The following KCP variants were observed in gnomAD, a reference collection of about 807,000 sequenced individuals.
KCP encodes kielin cysteine rich BMP regulator.
A neutral mutation model predicts 212.7 loss-of-function variants in KCP; 194 were observed. That is an observed-to-expected ratio of 0.91 (90% CI 0.81 to 1.03). The LOEUF is 1.03. Among genes scored for constraint, KCP ranks in the 50% least tolerant of loss-of-function variants. The pLI, the probability that KCP is intolerant of heterozygous loss-of-function variation, is 0.00. For synonymous variants in KCP, 833 were observed against 865.3 expected, an observed-to-expected ratio of 0.96 and a Z score of 0.65; for missense variants, 2,080 against 2,162.5, an observed-to-expected ratio of 0.96 and a Z score of 0.76.
chr7:128,904,213 A>AC, intron 5 of KCP, 75 bp from the exon 6 acceptor site: 1 of 1,525,856 alleles, frequency 6.6e-7, no homozygotes, highest in Non-Finnish European at 8.9e-7. Flanking sequence ...GTAAGGCATG[A>AC]CCCCAAGTAG....
At chr7:128,909,226 G>A (rs1255119657) in intron 1 of KCP, among the ~76,000 whole-genome samples, 1 of 152,176 alleles carries the variant, frequency 6.6e-6, no homozygotes. Context: ...AGGGGAAGAG[G>A]CAGACATAGG....
At chr7:128,904,320 T>A in intron 5 of KCP, 182 bp from the exon 6 acceptor site, 2 of 1,551,606 alleles carry the variant, frequency 1.3e-6, no homozygotes, top group Non-Finnish European at 1.7e-6. Flanking sequence ...CCAGGTGGGG[T>A]GCAGCTCTCC....
rs975940060 is a variant in KCP at position 128,893,209 on chromosome 7, G to C, written c.1267+29C>G. On this transcript the variant is annotated intron_variant, in intron 13 of 39. Transcript: ENST00000610776. Reference sequence around the variant, plus strand: ...GCAGCCCTCAGAGGCAGCGCCCATAGCAGCTGCTCCTCCCCCTCTCACACA... The same window carrying C: ...GCAGCCCTCAGAGGCAGCGCCCATACCAGCTGCTCCTCCCCCTCTCACACA... 5.8e-6 allele frequency: 9 copies of C among 1,547,524 alleles called. No homozygotes were observed. The African/African-American group carries it at 1.2e-4, about 21-fold the overall frequency.
chr7:128,887,418 G>A, intron 22 of KCP, 118 bp from the exon 23 acceptor site: 1 of 739,248 alleles, frequency 1.4e-6, no homozygotes, highest in Non-Finnish European at 2.3e-6. Flanking sequence ...CACACACATA[G>A]CCACACACAC....
In KCP at chr7:128,893,868, C is replaced by T. The variant is rs773835692; in HGVS notation, c.1037G>A (p.Cys346Tyr). Reference protein sequence around the residue: ...NGSVQCEPLPCPPVPCRHPGK... With the variant: ...NGSVQCEPLPYPPVPCRHPGK... The stretch of plus-strand genomic sequence containing the variant: ...TGGGTGTCTGCAGGGCACTGGCGGG[C>T]AGGGCAGAGGCTCACACTGGACACT... The change falls in exon 11 of 40, where the codon TGC becomes TAC. Residue 346 changes from cysteine (C) to tyrosine (Y), a missense_variant. Transcript: ENST00000610776. 1.4e-5 allele frequency: 22 copies of T among 1,551,110 alleles called. No homozygotes were observed. Among genetic ancestry groups the T allele is most frequent in the Non-Finnish European group, 1.9e-5 (22 of 1,146,998 alleles).
intron 8 of KCP, among the ~76,000 whole-genome samples, chr7:128,902,110 G>C (rs987086884): frequency 2.0e-5 from 3 of 152,174 alleles, no homozygotes; most frequent in Admixed American, 6.5e-5. Flanking sequence ...GCCCAGGCTG[G>C]TCTCAAACTC....
At chr7:128,879,858 T>A (rs1793212577) in intron 35 of KCP, 29 bp from the exon 36 acceptor site, 7 of 1,550,976 alleles carry the variant, frequency 4.5e-6, no homozygotes, top group Admixed American at 2.0e-5. Flanking sequence ...CAGGTGCCAA[T>A]GGTCAGCAGG....
At chr7:128,884,663 C>T (rs1451805668) in intron 28 of KCP, 118 bp downstream of exon 28, 1 of 925,084 alleles carries the variant, frequency 1.1e-6, no homozygotes, top group Non-Finnish European at 1.7e-6. Flanking sequence ...CAGGGATACA[C>T]TCCTTTGGCC....
chr7:128,901,381 C>T (rs1054776241), intron 8 of KCP, among the ~76,000 whole-genome samples: 4 of 152,216 alleles, frequency 2.6e-5, no homozygotes, highest in African/African-American at 9.7e-5. Context: ...AATCCCAGCA[C>T]TGTGGGAGGC....
At position 128,891,835 on chromosome 7, in the gene KCP, T is replaced by C. The variant is rs774083227; in HGVS notation, c.1622-16A>G. 1.3e-5 allele frequency: 19 copies of C among 1,433,808 alleles called. No homozygotes were observed. Among genetic ancestry groups the C allele is most frequent in the Non-Finnish European group, 1.6e-5 (18 of 1,091,210 alleles). 88.8% of individuals were successfully genotyped at this position (1,433,808 alleles called of 1,614,324 possible). A position where few individuals can be genotyped will look rare whatever the true frequency, so the allele number is the denominator to read the frequency against. ...AGGATGCAGTCTGGGCAGTGGATGG[T>C]GGGGGCAGGTATGAGGGCAAAGCCT... On this transcript the variant is annotated splice_polypyrimidine_tract_variant and intron_variant, in intron 16 of 39. Coordinates refer to ENST00000610776, the MANE Select transcript of KCP (RefSeq NM_001366122.1).
intron 5 of KCP, among the ~76,000 whole-genome samples, chr7:128,906,076 T>C (rs1175077027): frequency 6.6e-6 from 1 of 152,238 alleles, no homozygotes; most frequent in Non-Finnish European, 1.5e-5. Context: ...ATTTTGTGCC[T>C]GTTTCCCTAT....
intron 2 of KCP, among the ~76,000 whole-genome samples, 154 bp downstream of exon 2, chr7:128,908,251 GAAGAAAGAAAGAAAGAAAGAA>G (rs1795242994): frequency 9.9e-6 from 1 of 101,212 alleles, no homozygotes; most frequent in African/African-American, 3.9e-5. Context: ...AAGAAAGAAA[GAAGAAAGAAAGAAAGAAAGAA>G]AGAAAGAAAG....
At position 128,877,692 on chromosome 7, in the gene KCP, G is replaced by C; in HGVS notation, c.4410C>G (p.Ala1470=). The C allele has an allele frequency of 6.4e-7, 1 of 1,551,310 alleles. No individual in the cohort carries two copies. The highest frequency in any genetic ancestry group is 8.7e-7 in the Non-Finnish European group (1 of 1,146,972). The change falls in exon 39 of 40, where the codon GCC becomes GCG. Residue 1470 remains alanine (A), a synonymous_variant. Transcript: ENST00000610776. The stretch of plus-strand genomic sequence containing the variant: ...GGGAGGACTTCAGCACCCCACACCG[G>C]GCATTGGCCTCACGCCTGGCACGGT... The part of the protein sequence containing the change: ...AGYRARREAN[A]RCGVLKSSPF...
At chr7:128,898,452 G>A (rs1794654113) in intron 8 of KCP, among the ~76,000 whole-genome samples, 1 of 152,244 alleles carries the variant, frequency 6.6e-6, no homozygotes, top group African/African-American at 2.4e-5. Flanking sequence ...GCTGGAAAAT[G>A]TCAGACCTTA....
Position 128,882,067 on chromosome 7 carries a change from G to A in KCP, c.3245-51C>T, listed in dbSNP as rs1793367838. On this transcript the variant is annotated intron_variant, in intron 29 of 39. Transcript: ENST00000610776. ...GGGACAGAAAGAGGGGCACAGGGCT[G>A]GAAATCCCAGCTGTCCCCATGCACT... The A allele has an allele frequency of 2.9e-6, 4 of 1,399,194 alleles. No homozygotes were observed. In the South Asian group the frequency reaches 5.0e-5, roughly 17 times the overall value. 86.7% of individuals were successfully genotyped at this position (1,399,194 alleles called of 1,614,324 possible).
At position 128,884,846 on chromosome 7, in the gene KCP, G is replaced by A. The variant is rs553099582; in HGVS notation, c.3058C>T (p.Arg1020Trp). ...PQCSDCEHEG[R>W]KYEPGESFQP... ...AAGCTCTCCCCAGGCTCGTACTTCC[G>A]GCCCTCATGCTCACAGTCTTTGGGG... is the stretch of plus-strand genomic sequence containing the variant. Residue 1020 changes from arginine (R) to tryptophan (W), a missense_variant, in exon 28 of 40, where the codon CGG (arginine) becomes TGG (tryptophan). By Grantham distance (101) the Arg-to-Trp change is moderately radical. Transcript: ENST00000610776. The A allele has an allele frequency of 1.8e-5, 28 of 1,550,826 alleles. No individual in the cohort carries two copies. The East Asian group carries it at 3.2e-4, about 18-fold the overall frequency.
In KCP at chr7:128,887,262, T is replaced by A. The variant is rs1585208813; in HGVS notation, c.2551A>T (p.Thr851Ser). Residue 851 changes from threonine (T) to serine (S), a missense_variant, in exon 23 of 40, where the codon ACC becomes TCC. By Grantham distance (58) the Thr-to-Ser change is moderately conservative. Transcript: ENST00000610776. ...GTAGGGTCAAGTGGGTCAGGAAGGG[T>A]CTCTCCGGAGGCAGTAGTGACGCCA... ...YHGVTTASGE[T>S]LPDPLDPTCS... 3.2e-6 allele frequency: 5 copies of A among 1,551,116 alleles called. No individual in the cohort carries two copies. Among genetic ancestry groups the A allele is most frequent in the Non-Finnish European group, 3.5e-6 (4 of 1,146,770 alleles).
chr7:128,893,608 G>GC, intron 11 of KCP, 132 bp from the exon 12 acceptor site: 1 of 949,664 alleles, frequency 1.1e-6, no homozygotes, highest in Non-Finnish European at 1.6e-6. Flanking sequence ...CCTGCCAGCA[G>GC]CCCCCTGCCC....
chr7:128,899,872 A>ATGTAAGG, intron 8 of KCP, among the ~76,000 whole-genome samples: 53 of 151,854 alleles, frequency 3.5e-4, no homozygotes, highest in African/African-American at 9.5e-4. Flanking sequence ...TTAAGGAATC[A>ATGTAAGG]AATTTGACTT....
Sources: gnomAD v4.1 joint callset for allele counts (sites outside exome capture counted in the v4.1 genomes callset) on GRCh38, gnomAD v4.1.1 for gene constraint, MANE v1.5 for transcripts, NCBI Gene and HGNC (gene_info 2026-07-23, HGNC 2026-07-21) for gene names.